Variants in COPRS observed in about 807,000 individuals in gnomAD.
COPRS encodes coordinator of PRMT5 and differentiation stimulator.
COPRS carries 11 observed loss-of-function variants against 19.9 expected under a neutral mutation model. That is an observed-to-expected ratio of 0.55 (90% CI 0.35 to 0.92). The LOEUF (loss-of-function observed/expected upper bound fraction) is 0.92. Ranked by LOEUF, COPRS falls within the 40% of genes least tolerant of loss-of-function variation. COPRS has a pLI of 0.01. For missense variants in COPRS, 225 were observed against 229.9 expected, an observed-to-expected ratio of 0.98 and a Z score of 0.14; for synonymous variants, 81 against 82.7, an observed-to-expected ratio of 0.98 and a Z score of 0.11.
chr17:31,852,717 A>G, intron 3 of COPRS, 95 bp downstream of exon 3: 1 of 856,568 alleles, frequency 1.2e-6, no homozygotes, highest in South Asian at 1.3e-5. Context: ...CTAAGCTCAT[A>G]GATGTGGACC....
At chr17:31,855,750 C>T (rs1909326198) in intron 2 of COPRS, among the ~76,000 whole-genome samples, 1 of 151,814 alleles carries the variant, frequency 6.6e-6, no homozygotes, top group Admixed American at 6.6e-5. Context: ...AATCCCAGCA[C>T]TCTGAGAGGC....
chr17:31,853,899 C>T (rs533458292), intron 2 of COPRS, among the ~76,000 whole-genome samples: 3 of 152,252 alleles, frequency 2.0e-5, no homozygotes, highest in Admixed American at 6.5e-5. Context: ...AATGGATTTC[C>T]GAGCACATAG....
At chr17:31,858,951 G>A in intron 1 of COPRS, 150 bp downstream of exon 1, 1 of 1,423,812 alleles carries the variant, frequency 7.0e-7, no homozygotes, top group East Asian at 2.8e-5. Context: ...CAGCTCGAGC[G>A]CGAGCCCAAA....
At chr17:31,856,348 T>C (rs914196263) in intron 2 of COPRS, among the ~76,000 whole-genome samples, 1 of 152,070 alleles carries the variant, frequency 6.6e-6, no homozygotes, top group Non-Finnish European at 1.5e-5. Context: ...AAAAAAGATA[T>C]TTTGAGAGAG....
chr17:31,859,191 A>G lies in COPRS; in HGVS notation c.9T>C (p.Leu3=). MD[L]QAAGAQAQGA... ...CCTGCGCCTGGGCCCCGGCGGCCTG[A>G]AGGTCCATGCCCTGCGGCCCGCGGC... The change falls in exon 1 of 4, where the codon CTT becomes CTC. Residue 3 remains leucine (L), a synonymous_variant. Coordinates refer to ENST00000302362, the MANE Select transcript of COPRS (RefSeq NM_018405.4). 9.5e-7 allele frequency: 1 copy of G among 1,055,942 alleles called. No individual in the cohort carries two copies. Among genetic ancestry groups the G allele is most frequent in the Non-Finnish European group, 1.1e-6 (1 of 875,600 alleles). The allele number at this position is 1,055,942 out of a possible 1,614,324, so 65.4% of individuals were successfully genotyped here. A position where few individuals can be genotyped will look rare whatever the true frequency, so the allele number is the denominator to read the frequency against.
rs372223838 is a variant in COPRS at position 31,853,036 on chromosome 17, T to C, written c.167-6A>G. The C allele has an allele frequency of 5.5e-5, 89 of 1,608,850 alleles. No individual in the cohort carries two copies. The highest frequency in any genetic ancestry group is 3.3e-4 in the Middle Eastern group (2 of 6,070). ...AATGCTCTGTGTTCCACGGGCTAAATTGACAAAGAGAAGATGGCCTTAGTG... is the reference window on the plus strand; with the variant it reads ...AATGCTCTGTGTTCCACGGGCTAAACTGACAAAGAGAAGATGGCCTTAGTG... On this transcript the variant is annotated splice_region_variant and splice_polypyrimidine_tract_variant and intron_variant, in intron 2 of 3. Coordinates refer to ENST00000302362, the MANE Select transcript of COPRS (RefSeq NM_018405.4).
rs757879475 is a variant in COPRS, at chr17:31,852,110, G to A, written c.*29C>T. 20 of 1,612,290 alleles carry A rather than the reference G, an allele frequency of 1.2e-5. No homozygotes were observed. In the South Asian group the frequency reaches 1.3e-4, roughly 11 times the overall value. ...AAAAGAGATCTTGACGTGGAGGCCCGCCCACCTACAAGGCAGAAAGCTCCA... is the reference window on the plus strand; with the variant it reads ...AAAAGAGATCTTGACGTGGAGGCCCACCCACCTACAAGGCAGAAAGCTCCA... On this transcript the variant is annotated 3_prime_UTR_variant, in exon 4 of 4. Transcript: ENST00000302362.
At position 31,852,306 on chromosome 17, in the gene COPRS, C is replaced by T; in HGVS notation, c.388G>A (p.Ala130Thr). The part of the protein sequence containing the change: ...LKADQGNPYD[A>T]DDIQESISQE... ...GAAATGCTCTCCTGGATGTCGTCAGCATCTGCAGGCAGTTTTAAAAGACAG... is the reference window on the plus strand; with the variant it reads ...GAAATGCTCTCCTGGATGTCGTCAGTATCTGCAGGCAGTTTTAAAAGACAG... The change falls in exon 4 of 4, where the codon GCT becomes ACT. Residue 130 changes from alanine (A) to threonine (T), a missense_variant and splice_region_variant. Ala to Thr is a moderately conservative substitution (Grantham distance 58). Coordinates refer to ENST00000302362, the MANE Select transcript of COPRS (RefSeq NM_018405.4). The T allele has an allele frequency of 6.3e-7, 1 of 1,599,962 alleles. No homozygotes were observed.
chr17:31,856,468 T>C (rs575245073), intron 2 of COPRS: 35 of 345,062 alleles, frequency 1.0e-4, no homozygotes, highest in African/African-American at 7.5e-4. Context: ...ATAGTATATA[T>C]AGGAGGAAAA....
chr17:31,852,127 A>C lies in COPRS; in HGVS notation c.*12T>G, dbSNP rs372086660. The C allele has an allele frequency of 1.2e-5, 20 of 1,613,662 alleles. No individual in the cohort carries two copies. In the African/African-American group the frequency reaches 1.7e-4, roughly 14 times the overall value. ...GGAGGCCCGCCCACCTACAAGGCAG[A>C]AAGCTCCACACTCAATCTTCAGCAT... On this transcript the variant is annotated 3_prime_UTR_variant, in exon 4 of 4. Coordinates refer to ENST00000302362, the MANE Select transcript of COPRS (RefSeq NM_018405.4).
chr17:31,856,024 G>T (rs1379183349), intron 2 of COPRS, among the ~76,000 whole-genome samples: 3 of 151,792 alleles, frequency 2.0e-5, no homozygotes, highest in Non-Finnish European at 4.4e-5. Flanking sequence ...AGGGGGCTGG[G>T]CACAGTGGCT....
intron 1 of COPRS, chr17:31,858,757 C>A (rs1396982782): frequency 1.3e-6 from 2 of 1,550,598 alleles, no homozygotes; most frequent in Admixed American, 3.9e-5. Flanking sequence ...GCCGCCCTCA[C>A]CTGGCCCTCG....
At chr17:31,853,571 G>A (rs925076366) in intron 2 of COPRS, among the ~76,000 whole-genome samples, 4 of 152,024 alleles carry the variant, frequency 2.6e-5, no homozygotes, top group South Asian at 2.1e-4. Context: ...TAGTAGAGAC[G>A]GGGTTTCACC....
Position 31,852,289 on chromosome 17 carries a change from C to T in COPRS, c.405G>A (p.Glu135=). ...AAGGTTTAAGCTCTTGAGAAATGCT[C>T]TCCTGGATGTCGTCAGCATCTGCAG... ...GNPYDADDIQ[E]SISQELKPWV... is the part of the protein sequence containing the mutation. Residue 135 remains glutamate, a synonymous_variant, in exon 4 of 4, where the codon GAG becomes GAA. Transcript: ENST00000302362. The T allele has an allele frequency of 6.2e-7, 1 of 1,609,596 alleles. No individual in the cohort carries two copies. Among genetic ancestry groups the T allele is most frequent in the Non-Finnish European group, 8.5e-7 (1 of 1,177,474 alleles).
At chr17:31,858,935 C>T (rs376397374) in intron 1 of COPRS, 166 bp downstream of exon 1, 29,889 of 1,446,966 alleles carry the variant, frequency 0.021, 405 homozygotes, top group Middle Eastern at 0.051. Flanking sequence ...GCGGCCTGGC[C>T]GTTTTCAGCT....
At chr17:31,853,168 T>A (rs951947085) in intron 2 of COPRS, 138 bp from the exon 3 acceptor site, 64 of 689,006 alleles carry the variant, frequency 9.3e-5, no homozygotes, top group Non-Finnish European at 1.4e-4. Context: ...AGCACTTTTT[T>A]AAAAATGCAC....
At chr17:31,853,450 G>A (rs576505003) in intron 2 of COPRS, among the ~76,000 whole-genome samples, 3 of 150,288 alleles carry the variant, frequency 2.0e-5, no homozygotes, top group African/African-American at 7.4e-5. Flanking sequence ...GCACCATCTC[G>A]GCTCACTGCA....
chr17:31,854,988 C>CT (rs1298643069), intron 2 of COPRS, among the ~76,000 whole-genome samples: 1 of 152,184 alleles, frequency 6.6e-6, no homozygotes, highest in Non-Finnish European at 1.5e-5. Context: ...GGTTATGCAT[C>CT]TTTTACCACA....
rs758959262 is a variant in COPRS, at chr17:31,852,859, T to C, written c.338A>G (p.Asn113Ser). The change falls in exon 3 of 4, where the codon AAT (asparagine) becomes AGT (serine). Residue 113 changes from asparagine to serine, a missense_variant. This residue lies in a region of COPRS where 170 missense variants were observed against 171.4 expected (regional missense o/e 0.99). Coordinates refer to ENST00000302362, the MANE Select transcript of COPRS (RefSeq NM_018405.4). Reference sequence around the variant, plus strand: ...TTTCAACTCCGAGTCCCAGTCCTCATTAAAAAGATCGCCAGGCTGTTCCTT... The same window carrying C: ...TTTCAACTCCGAGTCCCAGTCCTCACTAAAAAGATCGCCAGGCTGTTCCTT... The part of the protein sequence containing the change: ...PPKEQPGDLF[N>S]EDWDSELKAD... The C allele has an allele frequency of 6.2e-6, 10 of 1,614,180 alleles. No individual in the cohort carries two copies. The highest frequency in any genetic ancestry group is 1.3e-5 in the African/African-American group (1 of 75,056).
Sources: gnomAD v4.1 joint callset for allele counts (sites outside exome capture counted in the v4.1 genomes callset) on GRCh38, gnomAD v4.1.1 for gene constraint, gnomAD v4.1.1 regional missense constraint, MANE v1.5 for transcripts, NCBI Gene and HGNC (gene_info 2026-07-23, HGNC 2026-07-21) for gene names.